DHRS7C: variants seen among roughly 807,000 people sequenced by gnomAD.
DHRS7C encodes the protein dehydrogenase/reductase SDR family member 7C.
DHRS7C carries 28 observed loss-of-function variants against 29.6 expected under a neutral mutation model. The observed-to-expected ratio is 0.95, with a 90% confidence interval of 0.70 to 1.30. DHRS7C has a LOEUF of 1.30. Ranked by LOEUF, DHRS7C falls within the 50% of genes most tolerant of loss-of-function variation. The pLI is 0.00. For synonymous variants in DHRS7C, 158 were observed against 160.2 expected (o/e 0.99, Z 0.10); for missense variants, 403 against 393.3 (o/e 1.02, Z -0.21).
chr17:9,779,784 T>C, intron 3 of DHRS7C, 41 bp downstream of exon 3: 1 of 1,575,672 alleles, frequency 6.3e-7, no homozygotes, highest in Non-Finnish European at 8.6e-7. Context: ...CTGTAGAATC[T>C]GGTGGCCCAG....
chr17:9,778,375 T>C (rs112907026), intron 3 of DHRS7C, among the ~76,000 whole-genome samples: 17,498 of 120,130 alleles, frequency 0.15, 1,392 homozygotes, highest in Middle Eastern at 0.27. Flanking sequence ...ACCTGGGCAA[T>C]AGAGGCGAGA....
intron 1 of DHRS7C, among the ~76,000 whole-genome samples, chr17:9,789,869 TGAA>T (rs1198019863): frequency 1.3e-5 from 2 of 152,286 alleles, no homozygotes; most frequent in East Asian, 3.9e-4. Context: ...GGCTTGCCCT[TGAA>T]GAAGGAGTTT....
chr17:9,780,062 T>C (rs2066385149), intron 2 of DHRS7C, 27 bp from the exon 3 acceptor site: 1 of 1,606,300 alleles, frequency 6.2e-7, no homozygotes, highest in South Asian at 1.1e-5. Context: ...AGAGTCAGGG[T>C]ATGTGTGAGA....
intron 1 of DHRS7C, among the ~76,000 whole-genome samples, chr17:9,784,898 C>T (rs543272949): frequency 4.6e-5 from 7 of 152,244 alleles, no homozygotes; most frequent in East Asian, 1.9e-4. Context: ...GAACGAAGTT[C>T]GCAATAGAGT....
At position 9,779,813 on chromosome 17, in the gene DHRS7C, A is replaced by T. The variant is rs1368333775; in HGVS notation, c.478+12T>A. 6.2e-7 allele frequency: 1 copy of T among 1,606,926 alleles called. No homozygotes were observed. Among genetic ancestry groups the T allele is most frequent in the Non-Finnish European group, 8.5e-7 (1 of 1,176,520 alleles). ...GGCCCAGATACCCATGGGAAAGTCAAACTCACGAGACCTTTCGTCAATGTG... is the reference window on the plus strand; with the variant it reads ...GGCCCAGATACCCATGGGAAAGTCATACTCACGAGACCTTTCGTCAATGTG... On this transcript the variant is annotated intron_variant, in intron 3 of 5. Transcript: ENST00000571134.
intron 3 of DHRS7C, 35 bp downstream of exon 3, chr17:9,779,790 C>T: frequency 1.3e-6 from 2 of 1,579,770 alleles, no homozygotes; most frequent in Non-Finnish European, 1.7e-6. Flanking sequence ...AATCTGGTGG[C>T]CCAGATACCC....
intron 1 of DHRS7C, among the ~76,000 whole-genome samples, chr17:9,788,437 C>T (rs1374340130): frequency 6.6e-6 from 1 of 151,984 alleles, no homozygotes; most frequent in Non-Finnish European, 1.5e-5. Context: ...GAACTCCTGA[C>T]CTCAAGTGAT....
chr17:9,779,233 A>C (rs552349907), intron 3 of DHRS7C, among the ~76,000 whole-genome samples: 1 of 152,234 alleles, frequency 6.6e-6, no homozygotes, highest in South Asian at 2.1e-4. Flanking sequence ...ATGGTGAGAA[A>C]TCTGCACCTG....
Position 9,775,476 on chromosome 17 carries a change from G to T in DHRS7C, c.571+1717C>A, listed in dbSNP as rs532747440. On this transcript the variant is annotated intron_variant, in intron 4 of 5. Transcript: ENST00000571134. This position sits in a 1 kb window ranked among gnomAD's most constrained non-coding sequence, Gnocchi z 4.2. ...CCTGGGGCTTTGGACATTGAGCACG[G>T]CTCCTCCACAGTCTCTTTCCTCTTC... 1.3e-5 allele frequency among the ~76,000 whole-genome samples: 2 copies of T among 152,302 alleles called. No homozygotes were observed. The highest frequency in any genetic ancestry group is 3.9e-4 in the East Asian group (2 of 5,184).
At chr17:9,789,456 T>C (rs2066442450) in intron 1 of DHRS7C, among the ~76,000 whole-genome samples, 1 of 152,186 alleles carries the variant, frequency 6.6e-6, no homozygotes, top group Non-Finnish European at 1.5e-5. Flanking sequence ...CAACCAAGCA[T>C]TGAGCTAGGT....
At chr17:9,779,169 T>C (rs1191626484) in intron 3 of DHRS7C, among the ~76,000 whole-genome samples, 2 of 152,150 alleles carry the variant, frequency 1.3e-5, no homozygotes, top group Non-Finnish European at 2.9e-5. Flanking sequence ...TCTATTCTAC[T>C]CTATGGTCAT....
intron 3 of DHRS7C, among the ~76,000 whole-genome samples, chr17:9,778,391 T>C (rs2066374534): frequency 8.0e-6 from 1 of 125,094 alleles, no homozygotes; most frequent in South Asian, 2.6e-4. Flanking sequence ...CGAGACTCCG[T>C]CTCAAAAAAA....
intron 1 of DHRS7C, 55 bp from the exon 2 acceptor site, chr17:9,781,649 AG>A (rs1394571882): frequency 2.8e-5 from 44 of 1,556,864 alleles, no homozygotes; most frequent in Non-Finnish European, 3.4e-5. Context: ...AGCCACTGAC[AG>A]TGAACCCCCT....
intron 3 of DHRS7C, among the ~76,000 whole-genome samples, chr17:9,778,227 TA>T: frequency 6.7e-6 from 1 of 150,092 alleles, no homozygotes; most frequent in East Asian, 2.0e-4. Context: ...CTGTCTCTAC[TA>T]AAAAAAATAC....
intron 1 of DHRS7C, among the ~76,000 whole-genome samples, chr17:9,783,555 A>C (rs1267701781): frequency 6.6e-6 from 1 of 152,232 alleles, no homozygotes; most frequent in Non-Finnish European, 1.5e-5. Context: ...CAGAAATTAA[A>C]GAGTTAGCAG....
At chr17:9,781,410 G>A (rs1303435751) in intron 2 of DHRS7C, 72 bp downstream of exon 2, 2 of 1,425,676 alleles carry the variant, frequency 1.4e-6, no homozygotes, top group Non-Finnish European at 2.0e-6. Context: ...TGGTCCAAGA[G>A]CTGGTCCTGA....
At chr17:9,783,947 G>T (rs1345012620) in intron 1 of DHRS7C, among the ~76,000 whole-genome samples, 18 of 125,878 alleles carry the variant, frequency 1.4e-4, no homozygotes, top group Non-Finnish European at 1.8e-4. Context: ...TTTTTTTTTT[G>T]TTTTTTTGTT....
intron 1 of DHRS7C, among the ~76,000 whole-genome samples, chr17:9,787,431 C>T (rs1017597601): frequency 2.0e-5 from 3 of 152,190 alleles, no homozygotes; most frequent in Non-Finnish European, 4.4e-5. Flanking sequence ...AGCCCAGTGG[C>T]GTGCTCAGTG....
intron 1 of DHRS7C, among the ~76,000 whole-genome samples, chr17:9,786,638 C>A (rs1199659031): frequency 1.3e-5 from 2 of 152,124 alleles, no homozygotes; most frequent in African/African-American, 4.8e-5. Flanking sequence ...TAACAGAATT[C>A]ACTAACAGAA....
Sources: gnomAD v4.1 joint callset for allele counts (sites outside exome capture counted in the v4.1 genomes callset) on GRCh38, gnomAD v4.1.1 for gene constraint, Gnocchi (gnomAD v3.1) non-coding constraint, MANE v1.5 for transcripts, NCBI Gene and HGNC (gene_info 2026-07-23, HGNC 2026-07-21) for gene names.